The following CACNA1A variants were observed in gnomAD, a reference collection of about 807,000 sequenced individuals.
CACNA1A encodes the protein voltage-dependent P/Q-type calcium channel subunit alpha-1A.
Under a neutral mutation model 262.4 loss-of-function variants are expected in CACNA1A, and 57 were observed. The ratio of observed to expected loss-of-function variants is 0.22; its 90% CI spans 0.18 to 0.27. The LOEUF is 0.27. CACNA1A is among the 10% of genes least tolerant of loss of function. The pLI is 1.00. For missense variants in CACNA1A, 2,526 were observed against 3,562.8 expected (o/e 0.71, Z 7.41); for synonymous variants, 1,431 against 1,419.3 (o/e 1.01, Z -0.18).
At chr19:13,379,654 G>A (rs994526720) in intron 3 of CACNA1A, among the ~76,000 whole-genome samples, 24 of 152,306 alleles carry the variant, frequency 1.6e-4, no homozygotes, top group South Asian at 4.1e-4. Flanking sequence ...GGCCGGGCGC[G>A]GTGGCTCACA....
chr19:13,262,038 T>A (rs2056745235), intron 25 of CACNA1A: 1 of 164,808 alleles, frequency 6.1e-6, no homozygotes, highest in Admixed American at 5.9e-5. Flanking sequence ...CAGGCAGCCA[T>A]ATTTGGTTAG....
intron 37 of CACNA1A, 23 bp from the exon 38 acceptor site, chr19:13,224,795 G>T (rs774189648): frequency 1.3e-6 from 2 of 1,565,280 alleles, no homozygotes; most frequent in South Asian, 1.2e-5. Context: ...CAAGGCAAGC[G>T]CAGTCATTCC....
At chr19:13,358,666 C>A (rs1465529764) in intron 6 of CACNA1A, among the ~76,000 whole-genome samples, 1 of 152,134 alleles carries the variant, frequency 6.6e-6, no homozygotes, top group African/African-American at 2.4e-5. Context: ...AAGTAGCATG[C>A]AAGTGGGGGC....
At chr19:13,222,758 G>A (rs1228997592) in intron 38 of CACNA1A, among the ~76,000 whole-genome samples, 17 of 149,662 alleles carry the variant, frequency 1.1e-4, no homozygotes, top group Admixed American at 1.1e-3. Context: ...TCAGTGGCGC[G>A]ATCTTGGCTC....
intron 10 of CACNA1A, among the ~76,000 whole-genome samples, chr19:13,325,364 G>A (rs1391082471): frequency 2.0e-5 from 3 of 152,060 alleles, no homozygotes; most frequent in East Asian, 1.9e-4. Context: ...TGTGGCATGC[G>A]CCTGTAGCCT....
chr19:13,486,845 T>C (rs1229635037), intron 1 of CACNA1A, among the ~76,000 whole-genome samples: 1 of 151,978 alleles, frequency 6.6e-6, no homozygotes, highest in Non-Finnish European at 1.5e-5. Flanking sequence ...CTTCCACTTT[T>C]CTTTCTCTCT....
chr19:13,433,245 A>G (rs1286953872), intron 3 of CACNA1A, among the ~76,000 whole-genome samples: 2 of 148,824 alleles, frequency 1.3e-5, no homozygotes, highest in East Asian at 4.0e-4. Flanking sequence ...GTGAGCCGAG[A>G]TTGCGCCACT....
chr19:13,217,621 T>A (rs1195541397), intron 38 of CACNA1A, among the ~76,000 whole-genome samples: 1 of 152,108 alleles, frequency 6.6e-6, no homozygotes, highest in African/African-American at 2.4e-5. Flanking sequence ...ATCTGGGGGA[T>A]CATTGTCTTC....
chr19:13,378,841 G>T (rs2059462344), intron 3 of CACNA1A, among the ~76,000 whole-genome samples: 2 of 151,252 alleles, frequency 1.3e-5, no homozygotes, highest in Admixed American at 1.3e-4. Context: ...CTATTTTTTT[G>T]TATTTTTCAT....
intron 34 of CACNA1A, among the ~76,000 whole-genome samples, chr19:13,232,506 T>G: frequency 6.6e-6 from 1 of 151,404 alleles, no homozygotes; most frequent in East Asian, 1.9e-4. Context: ...CTGAGGTGGG[T>G]GGATCACGAG....
chr19:13,276,057 A>G, intron 23 of CACNA1A, 101 bp from the exon 24 acceptor site: 1 of 699,294 alleles, frequency 1.4e-6, no homozygotes, highest in Admixed American at 2.4e-5. Flanking sequence ...AGGGAAGCCA[A>G]TGAGGCCACC....
Position 13,502,572 on chromosome 19 carries a change from C to T in CACNA1A, c.293+3360G>A, listed in dbSNP as rs534770945. Among the ~76,000 whole-genome samples the T allele has an allele frequency of 2.8e-4, 43 of 152,262 alleles. 1 individual carries two copies. Among genetic ancestry groups the T allele is most frequent in the African/African-American group, 9.4e-4 (39 of 41,552 alleles). ...TCATGGCCCTATTTGAATCACAATT[C>T]CAGTCAATGAAAACATGAAACCAAG... On this transcript the variant is annotated intron_variant, in intron 1 of 46. Transcript: ENST00000360228.
In CACNA1A at chr19:13,298,990, C is replaced by T. The variant is rs776245933; in HGVS notation, c.2643G>A (p.Arg881=). The change falls in exon 19 of 47, where the codon AGG becomes AGA. Residue 881 remains arginine (R), a synonymous_variant. Coordinates refer to ENST00000360228, the MANE Select transcript of CACNA1A (RefSeq NM_001127222.2). ...PSGSAGLDAR[R]PWAGSQEAEL... is the part of the protein sequence containing the mutation. ...CGGCCTCCTGGCTTCCCGCCCAGGG[C>T]CTCCGTGCGTCCAGGCCCGCCGAGC... 4 of 1,579,698 alleles carry T rather than the reference C, an allele frequency of 2.5e-6. No individual in the cohort carries two copies. The highest frequency in any genetic ancestry group is 3.4e-6 in the Non-Finnish European group (4 of 1,170,526).
At chr19:13,377,001 C>T (rs1269778150) in intron 3 of CACNA1A, among the ~76,000 whole-genome samples, 1 of 148,570 alleles carries the variant, frequency 6.7e-6, no homozygotes, top group Non-Finnish European at 1.5e-5. Flanking sequence ...CTCTTGTTGC[C>T]CAGGCTGGAG....
chr19:13,288,469 C>G (rs1168454380), intron 19 of CACNA1A, among the ~76,000 whole-genome samples: 1 of 152,102 alleles, frequency 6.6e-6, no homozygotes, highest in Non-Finnish European at 1.5e-5. Context: ...AACTCGTGGC[C>G]TACAGTGATC....
At chr19:13,468,153 A>T (rs1221068672) in intron 1 of CACNA1A, among the ~76,000 whole-genome samples, 1 of 152,170 alleles carries the variant, frequency 6.6e-6, no homozygotes, top group East Asian at 1.9e-4. Context: ...CAAAACAACA[A>T]GCCAAGTTTT....
chr19:13,503,277 G>C (rs1254849673), intron 1 of CACNA1A, among the ~76,000 whole-genome samples: 1 of 152,108 alleles, frequency 6.6e-6, no homozygotes, highest in Non-Finnish European at 1.5e-5. Context: ...ACCCTTGTTG[G>C]GGGAGCAACT....
rs16000 is a variant in CACNA1A at position 13,506,276 on chromosome 19, ACGC to A, written c.-55_-53del. On this transcript the variant is annotated 5_prime_UTR_variant, in exon 1 of 47. Coordinates refer to ENST00000360228, the MANE Select transcript of CACNA1A (RefSeq NM_001127222.2). Reference sequence around the variant, plus strand: ...TACGCTGCGGCGAACGATGCGGAAGACGCCGCCGCCGCCGCCGCCGCCGCTGAT... The same window carrying A: ...TACGCTGCGGCGAACGATGCGGAAGACGCCGCCGCCGCCGCCGCCGCTGAT... 1,911 of 1,343,594 alleles carry A rather than the reference ACGC, an allele frequency of 1.4e-3. No homozygotes were observed. The highest frequency in any genetic ancestry group is 2.8e-3 in the South Asian group (157 of 56,534). The allele number at this position is 1,343,594 out of a possible 1,614,324, so 83.2% of individuals were successfully genotyped here.
At chr19:13,460,499 A>G (rs940435518) in intron 1 of CACNA1A, among the ~76,000 whole-genome samples, 8 of 152,180 alleles carry the variant, frequency 5.3e-5, no homozygotes, top group African/African-American at 1.4e-4. Flanking sequence ...TTGGAATGCG[A>G]CAAAAGCAGA....
Sources: allele counts gnomAD v4.1 joint callset (sites outside exome capture counted in the v4.1 genomes callset), GRCh38; gene constraint gnomAD v4.1.1; transcripts MANE v1.5; gene names NCBI Gene and HGNC (gene_info 2026-07-23, HGNC 2026-07-21).